Variants in DNAJA3 observed in about 807,000 individuals in gnomAD.
The protein encoded by DNAJA3 is dnaJ homolog subfamily A member 3, mitochondrial.
In DNAJA3, 29 loss-of-function variants were observed where a neutral mutation model predicts 54.9. The ratio of observed to expected loss-of-function variants is 0.53; its 90% CI spans 0.39 to 0.72. The LOEUF is 0.72. DNAJA3 is among the 30% of genes least tolerant of loss of function. The pLI, the probability that DNAJA3 is intolerant of heterozygous loss-of-function variation, is 0.00. For missense variants in DNAJA3, 708 were observed against 639.4 expected, an observed-to-expected ratio of 1.11 and a Z score of -1.16; for synonymous variants, 302 against 251.4, an observed-to-expected ratio of 1.20 and a Z score of -1.90.
At chr16:4,443,637 C>G (rs577593219) in intron 6 of DNAJA3, among the ~76,000 whole-genome samples, 1 of 152,122 alleles carries the variant, frequency 6.6e-6, no homozygotes, top group Non-Finnish European at 1.5e-5. Context: ...TCTTGGAGAT[C>G]CCAGCTTGAG....
At chr16:4,439,342 C>T (rs556815946) in intron 3 of DNAJA3, among the ~76,000 whole-genome samples, 5 of 146,834 alleles carry the variant, frequency 3.4e-5, no homozygotes, top group South Asian at 2.2e-4. Flanking sequence ...GGCAACAGAG[C>T]GAGACTCCCA....
Position 4,429,132 on chromosome 16 carries a change from C to T in DNAJA3, c.211+3040C>T, listed in dbSNP as rs1025576598. ...TCGATCTCCTGACCTCGTGATCCAC[C>T]CGCCTCCGCCTCCCAAAGTGCTGGG... is the stretch of plus-strand genomic sequence containing the variant. On this transcript the variant is annotated intron_variant, in intron 1 of 11. Transcript: ENST00000262375. 9.9e-5 allele frequency among the ~76,000 whole-genome samples: 15 copies of T among 151,952 alleles called. 1 individual carries two copies. The highest frequency in any genetic ancestry group is 3.6e-4 in the African/African-American group (15 of 41,368).
chr16:4,445,944 G>C (rs1045917325), intron 7 of DNAJA3, among the ~76,000 whole-genome samples: 1 of 150,398 alleles, frequency 6.6e-6, no homozygotes, highest in Non-Finnish European at 1.5e-5. Flanking sequence ...TTTCTGGAAA[G>C]AGAGTCTTGC....
At chr16:4,442,659 T>A (rs2056850841) in intron 5 of DNAJA3, 1 of 527,156 alleles carries the variant, frequency 1.9e-6, no homozygotes, top group South Asian at 3.2e-5. Context: ...TGCATCCAGT[T>A]GTCACTTTCT....
intron 2 of DNAJA3, among the ~76,000 whole-genome samples, chr16:4,435,391 A>C (rs1015068678): frequency 2.6e-5 from 4 of 152,084 alleles, no homozygotes; most frequent in African/African-American, 4.8e-5. Context: ...ATAAGTGCAC[A>C]GTTCACTGGA....
chr16:4,443,979 C>T (rs1181797890), intron 6 of DNAJA3, among the ~76,000 whole-genome samples: 3 of 152,160 alleles, frequency 2.0e-5, no homozygotes, highest in African/African-American at 7.2e-5. Flanking sequence ...AGCCACCGCG[C>T]GTGGCCTGCT....
intron 1 of DNAJA3, 46 bp from the exon 2 acceptor site, chr16:4,434,338 G>T: frequency 1.3e-6 from 2 of 1,599,276 alleles, no homozygotes; most frequent in Non-Finnish European, 1.7e-6. Flanking sequence ...GTTTTCTTTT[G>T]TTGAGAACAT....
intron 4 of DNAJA3, 142 bp from the exon 5 acceptor site, chr16:4,442,126 C>CTT: frequency 1.2e-6 from 1 of 816,560 alleles, no homozygotes. Context: ...CCTACCTATG[C>CTT]TTACTTGGCA....
chr16:4,441,566 G>C lies in DNAJA3; in HGVS notation c.621G>C (p.Gln207His). ...SFGDFQTVFD[Q>H]PQEYFMELTF... The stretch of plus-strand genomic sequence containing the variant: ...GAGATTTCCAGACCGTGTTTGATCA[G>C]CCTCAGGAAGTAAGTTCCTCACTTG... The change falls in exon 4 of 12, where the codon CAG becomes CAC. Residue 207 changes from glutamine (Q) to histidine (H), a missense_variant. Gln to His is a conservative substitution (Grantham distance 24). Transcript: ENST00000262375. The C allele has an allele frequency of 6.2e-7, 1 of 1,613,700 alleles. No homozygotes were observed. The highest frequency in any genetic ancestry group is 1.1e-5 in the South Asian group (1 of 90,970).
intron 1 of DNAJA3, among the ~76,000 whole-genome samples, chr16:4,432,373 A>C (rs1391480354): frequency 1.1e-4 from 14 of 124,828 alleles, no homozygotes; most frequent in East Asian, 2.3e-4. Flanking sequence ...ATGGAGTTTC[A>C]CTCCTGTTGC....
At chr16:4,441,199 G>A (rs1223216202) in intron 3 of DNAJA3, 176 bp from the exon 4 acceptor site, 2 of 606,164 alleles carry the variant, frequency 3.3e-6, no homozygotes, top group East Asian at 5.6e-5. Context: ...ATTCAGTTTG[G>A]TCATCTCATC....
At chr16:4,438,938 A>G (rs2056806628) in intron 3 of DNAJA3, among the ~76,000 whole-genome samples, 1 of 152,162 alleles carries the variant, frequency 6.6e-6, no homozygotes, top group Non-Finnish European at 1.5e-5. Flanking sequence ...TAATTTTAAA[A>G]TAATATGTTC....
chr16:4,430,233 A>G (rs2056679704), intron 1 of DNAJA3, among the ~76,000 whole-genome samples: 1 of 151,946 alleles, frequency 6.6e-6, no homozygotes, highest in Non-Finnish European at 1.5e-5. Context: ...AGATGACATA[A>G]CAACATTTTA....
chr16:4,441,247 C>T (rs1230683236), intron 3 of DNAJA3, 128 bp from the exon 4 acceptor site: 2 of 826,716 alleles, frequency 2.4e-6, no homozygotes, highest in Non-Finnish European at 3.8e-6. Flanking sequence ...ACCCCAACCT[C>T]ATAGGATGTG....
In DNAJA3 at chr16:4,426,035, C is replaced by G; in HGVS notation, c.154C>G (p.Leu52Val). Reference protein sequence around the residue: ...KLSVPAFASSLTSCGPRALLT... With the variant: ...KLSVPAFASSVTSCGPRALLT... The stretch of plus-strand genomic sequence containing the variant: ...GAGCGTCCCCGCCTTTGCGTCTTCC[C>G]TGACCTCTTGCGGCCCCCGAGCGCT... The change falls in exon 1 of 12, where the codon CTG becomes GTG. Residue 52 changes from leucine to valine, a missense_variant. Coordinates refer to ENST00000262375, the MANE Select transcript of DNAJA3 (RefSeq NM_005147.6). 1.2e-6 allele frequency: 2 copies of G among 1,606,902 alleles called. No individual in the cohort carries two copies. Among genetic ancestry groups the G allele is most frequent in the African/African-American group, 1.4e-5 (1 of 74,030 alleles).
Position 4,450,483 on chromosome 16 carries a change from C to T in DNAJA3, c.1325C>T (p.Thr442Ile). 6.2e-7 allele frequency: 1 copy of T among 1,609,006 alleles called. No homozygotes were observed. Among genetic ancestry groups the T allele is most frequent in the Non-Finnish European group, 8.5e-7 (1 of 1,178,024 alleles). The change falls in exon 10 of 12, where the codon ACC becomes ATC. Residue 442 changes from threonine (T) to isoleucine (I), a missense_variant. Transcript: ENST00000262375. ...TDVEGTVNGV[T>I]LTSSGGSTMD... is the part of the protein sequence containing the mutation. ...GTGGAGGGGACGGTGAACGGCGTCA[C>T]CCTCACCAGCTCTGGTAAGGAGTCT...
intron 3 of DNAJA3, among the ~76,000 whole-genome samples, chr16:4,438,220 G>A (rs1228966246): frequency 1.3e-5 from 2 of 152,106 alleles, no homozygotes; most frequent in Admixed American, 6.5e-5. Flanking sequence ...GGGAGGCTGA[G>A]GCAGGAGAAT....
intron 1 of DNAJA3, chr16:4,430,952 A>ATT (rs2056691611): frequency 6.6e-6 from 1 of 151,864 alleles, no homozygotes; most frequent in Non-Finnish European, 1.5e-5. Flanking sequence ...GCTAAAGCAG[A>ATT]AGAATCGCTC....
At position 4,428,066 on chromosome 16, in the gene DNAJA3, C is replaced by T. The variant is rs183288121; in HGVS notation, c.211+1974C>T. Among the ~76,000 whole-genome samples the T allele has an allele frequency of 3.2e-3, 485 of 152,266 alleles. 2 individuals are homozygous for T. The highest frequency in any genetic ancestry group is 5.4e-3 in the South Asian group (26 of 4,826). On this transcript the variant is annotated intron_variant, in intron 1 of 11. Transcript: ENST00000262375. ...TCCCGGGTTCACGCCATTCTCCTGCCTCAGCCTTCTGAGTAGCTGGGACTA... is the reference window on the plus strand; with the variant it reads ...TCCCGGGTTCACGCCATTCTCCTGCTTCAGCCTTCTGAGTAGCTGGGACTA...
Sources: gnomAD v4.1 joint callset for allele counts (sites outside exome capture counted in the v4.1 genomes callset) on GRCh38, gnomAD v4.1.1 for gene constraint, MANE v1.5 for transcripts, NCBI Gene and HGNC (gene_info 2026-07-23, HGNC 2026-07-21) for gene names.